Variants in GAS7 observed in about 807,000 individuals in gnomAD.
The protein encoded by GAS7 is growth arrest-specific protein 7.
GAS7 carries 28 observed loss-of-function variants against 71.1 expected under a neutral mutation model. That is an observed-to-expected ratio of 0.39 (90% CI 0.29 to 0.54). The LOEUF is 0.54. Ranked by LOEUF, GAS7 falls within the 20% of genes least tolerant of loss-of-function variation. The pLI is 0.62. For synonymous variants in GAS7, 258 were observed against 245.8 expected (o/e 1.05, Z -0.46); for missense variants, 436 against 627.8 (o/e 0.69, Z 3.27).
In GAS7 at chr17:10,011,427, T is replaced by A. The variant is rs79683416; in HGVS notation, c.304+8350A>T. Among the ~76,000 whole-genome samples the A allele has an allele frequency of 3.5e-3, 532 of 152,260 alleles. 2 individuals carry two copies. Among genetic ancestry groups the A allele is most frequent in the Non-Finnish European group, 6.2e-3 (423 of 68,016 alleles). On this transcript the variant is annotated intron_variant, in intron 2 of 13. Transcript: ENST00000432992. The stretch of plus-strand genomic sequence containing the variant: ...GACAGAGGTGAGTAGATAAAACATC[T>A]CTGCTTTCCTGCAGACTACTCCAGG...
intron 1 of GAS7, among the ~76,000 whole-genome samples, chr17:10,053,137 AC>A (rs2073085983): frequency 6.6e-6 from 1 of 151,814 alleles, no homozygotes; most frequent in Non-Finnish European, 1.5e-5. Flanking sequence ...TGAAAGCACT[AC>A]CCACACATTT....
chr17:10,152,099 C>G (rs1270450045), intron 1 of GAS7, among the ~76,000 whole-genome samples: 5 of 152,210 alleles, frequency 3.3e-5, no homozygotes, highest in African/African-American at 1.2e-4. Context: ...GACATCTTCT[C>G]TCACCTCTGA....
At position 9,914,962 on chromosome 17, in the gene GAS7, C is replaced by A; in HGVS notation, c.*2266G>T. The A allele has an allele frequency of 4.3e-6, 1 of 232,586 alleles. No homozygotes were observed. Among genetic ancestry groups the A allele is most frequent in the Non-Finnish European group, 8.5e-6 (1 of 117,636 alleles). The allele number at this position is 232,586 out of a possible 1,614,324, so 14.4% of individuals were successfully genotyped here. A position where few individuals can be genotyped will look rare whatever the true frequency, so the allele number is the denominator to read the frequency against. On this transcript the variant is annotated 3_prime_UTR_variant, in exon 14 of 14. Transcript: ENST00000432992. ...ACCCCTGAAAACGAGCGATCACGGG[C>A]TTCCCTGACGACAGGGCCATTATAG...
intron 1 of GAS7, among the ~76,000 whole-genome samples, chr17:10,181,560 A>T (rs1454647402): frequency 1.3e-5 from 2 of 152,154 alleles, no homozygotes; most frequent in Non-Finnish European, 2.9e-5. Context: ...TGATAACATC[A>T]TGCACGTGAA....
intron 1 of GAS7, among the ~76,000 whole-genome samples, chr17:10,052,106 C>A (rs1207889585): frequency 6.6e-6 from 1 of 152,056 alleles, no homozygotes; most frequent in Non-Finnish European, 1.5e-5. Context: ...CCCACACTGT[C>A]CCCCGATTCC....
At chr17:9,928,879 C>A (rs761189401) in intron 9 of GAS7, among the ~76,000 whole-genome samples, 4 of 152,162 alleles carry the variant, frequency 2.6e-5, no homozygotes, top group Non-Finnish European at 4.4e-5. Context: ...AGAGCTCAAT[C>A]CCCTGGGTGA....
At position 10,072,844 on chromosome 17, in the gene GAS7, G is replaced by A. The variant is rs191534104; in HGVS notation, c.184-52947C>T. ...TGCATTAGTGGCTTATCTGCAATTT[G>A]GGGTATTTCCCACTGGTTTTGTGCC... On this transcript the variant is annotated intron_variant, in intron 1 of 13. Transcript: ENST00000432992. Among the ~76,000 whole-genome samples the A allele has an allele frequency of 5.9e-5, 9 of 152,110 alleles. No homozygotes were observed. The East Asian group carries it at 1.5e-3, about 26-fold the overall frequency.
chr17:10,090,218 G>A (rs1423890964), intron 1 of GAS7, among the ~76,000 whole-genome samples: 2 of 151,608 alleles, frequency 1.3e-5, no homozygotes, highest in African/African-American at 2.4e-5. Context: ...TGAGGTGTGA[G>A]TGTGCTGTTT....
At chr17:10,186,120 T>C (rs932956165) in intron 1 of GAS7, among the ~76,000 whole-genome samples, 1 of 120,742 alleles carries the variant, frequency 8.3e-6, no homozygotes, top group Admixed American at 8.3e-5. Flanking sequence ...CCCAGCTAAT[T>C]TTTTGTATTT....
intron 1 of GAS7, among the ~76,000 whole-genome samples, chr17:10,083,746 T>C (rs1372386432): frequency 6.6e-6 from 1 of 152,226 alleles, no homozygotes; most frequent in Non-Finnish European, 1.5e-5. Flanking sequence ...GGGCCTTTTA[T>C]GGACTCAGAA....
At chr17:9,991,687 T>G (rs1038765590) in intron 2 of GAS7, among the ~76,000 whole-genome samples, 6 of 152,104 alleles carry the variant, frequency 3.9e-5, no homozygotes, top group Non-Finnish European at 7.4e-5. Context: ...TTACAGAGCG[T>G]AGACCCGTGC....
intron 2 of GAS7, among the ~76,000 whole-genome samples, chr17:10,000,610 T>A (rs544571173): frequency 1.1e-3 from 175 of 152,302 alleles, no homozygotes; most frequent in African/African-American, 4.2e-3. Flanking sequence ...ACTCAGGTCG[T>A]CATGAAAGTT....
At chr17:10,116,607 G>A (rs189761018) in intron 1 of GAS7, among the ~76,000 whole-genome samples, 2 of 152,266 alleles carry the variant, frequency 1.3e-5, no homozygotes, top group South Asian at 2.1e-4. Flanking sequence ...TAGGGAGTGG[G>A]TCTGAAGTGG....
At chr17:10,117,576 G>A (rs1412589469) in intron 1 of GAS7, among the ~76,000 whole-genome samples, 1 of 152,162 alleles carries the variant, frequency 6.6e-6, no homozygotes, top group Non-Finnish European at 1.5e-5. Context: ...AGCAGGTGCT[G>A]AGGTCAGGAC....
Position 10,191,892 on chromosome 17 carries a change from A to G in GAS7, c.183+6316T>C, listed in dbSNP as rs867281238. Among the ~76,000 whole-genome samples, 838 of 146,396 alleles carry G rather than the reference A, an allele frequency of 5.7e-3. 7 individuals carry two copies. Among genetic ancestry groups the G allele is most frequent in the African/African-American group, 0.02 (799 of 39,614 alleles). On this transcript the variant is annotated intron_variant, in intron 1 of 13. Coordinates refer to ENST00000432992, the MANE Select transcript of GAS7 (RefSeq NM_201433.2). Reference sequence around the variant, plus strand: ...TCCATCTCAAAAAAAAAAAAAAAAAAGAGGAGAGAGATGATGAGTTTAGTT... The same window carrying G: ...TCCATCTCAAAAAAAAAAAAAAAAAGGAGGAGAGAGATGATGAGTTTAGTT...
chr17:10,164,170 C>T (rs952290463), intron 1 of GAS7, among the ~76,000 whole-genome samples: 1 of 152,062 alleles, frequency 6.6e-6, no homozygotes, highest in Non-Finnish European at 1.5e-5. Flanking sequence ...GGACTGGGCG[C>T]GGTGGCTCAC....
chr17:10,164,500 T>C (rs988497560), intron 1 of GAS7, among the ~76,000 whole-genome samples: 6 of 150,808 alleles, frequency 4.0e-5, no homozygotes, highest in Non-Finnish European at 7.4e-5. Flanking sequence ...AAAATTGTCC[T>C]AGAAAAGGTT....
chr17:10,048,622 A>G (rs1270270766), intron 1 of GAS7, among the ~76,000 whole-genome samples: 1 of 152,210 alleles, frequency 6.6e-6, no homozygotes, highest in African/African-American at 2.4e-5. Flanking sequence ...ATATTTGCTG[A>G]AGCTAAACTG....
chr17:10,036,937 T>C, intron 1 of GAS7, among the ~76,000 whole-genome samples: 1 of 152,192 alleles, frequency 6.6e-6, no homozygotes. Flanking sequence ...GCCCAAGCCC[T>C]GCTGGAGAAT....
Sources: allele counts gnomAD v4.1 joint callset (sites outside exome capture counted in the v4.1 genomes callset), GRCh38; gene constraint gnomAD v4.1.1; transcripts MANE v1.5; gene names NCBI Gene and HGNC (gene_info 2026-07-23, HGNC 2026-07-21).